EP400: variants seen among roughly 807,000 people sequenced by gnomAD.
The protein encoded by EP400 is E1A-binding protein p400.
Under a neutral mutation model 354.1 loss-of-function variants are expected in EP400, and 105 were observed. The observed-to-expected ratio is 0.30, with a 90% CI of 0.25 to 0.35. EP400 has a LOEUF of 0.35. EP400 is among the 10% of genes least tolerant of loss of function. The probability of loss-of-function intolerance (pLI) is 1.00; values close to 1 mark genes in which losing one functional copy is unlikely to be tolerated. For missense variants in EP400, 3,280 were observed against 4,121.0 expected (o/e 0.80, Z 5.59); for synonymous variants, 1,646 against 1,716.9 (o/e 0.96, Z 1.02).
rs1268340194 is a variant in EP400 at position 132,050,335 on chromosome 12, C to T, written c.7213C>T (p.Arg2405Cys). Residue 2405 changes from arginine to cysteine, a missense_variant, in exon 40 of 53, where the codon CGT becomes TGT. Physicochemically the swap from Arg to Cys is radical, Grantham distance 180. This residue lies in a region of EP400 where 84 missense variants were observed against 133.0 expected (regional missense o/e 0.63). Transcript: ENST00000389561. The surrounding 1 kb of genome is among the most constrained non-coding windows in gnomAD (Gnocchi z 4.8). ...AATTTCATTGCAGAGTAAAAACAAC[C>T]GTCCTCTCCGTACGAGCCAGATCTA... ...PREEGKSKNN[R>C]PLRTSQIYAQ... 4.3e-6 allele frequency: 7 copies of T among 1,613,926 alleles called. No individual in the cohort carries two copies. The highest frequency in any genetic ancestry group is 4.5e-5 in the East Asian group (2 of 44,882).
Position 131,982,463 on chromosome 12 carries a change from T to C in EP400, c.1914T>C (p.Leu638=). 6.2e-7 allele frequency: 1 copy of C among 1,604,926 alleles called. No homozygotes were observed. Among genetic ancestry groups the C allele is most frequent in the Non-Finnish European group, 8.5e-7 (1 of 1,173,254 alleles). The change falls in exon 5 of 53, where the codon CTT becomes CTC. Residue 638 remains leucine (L), a synonymous_variant. Transcript: ENST00000389561. ...PGKVQVQASQ[L]SSLPQMVAST... ...AGGTGCAGGTGCAGGCCTCTCAGCT[T>C]TCCTCCCTGCCACAGGTATGAGAAA... is the stretch of plus-strand genomic sequence containing the variant.
Position 131,980,605 on chromosome 12 carries a change from G to A in EP400, c.1435+812G>A, listed in dbSNP as rs76866423. Among the ~76,000 whole-genome samples, 168 of 152,270 alleles carry A rather than the reference G, an allele frequency of 1.1e-3. 5 individuals carry two copies. The East Asian group carries it at 0.026, about 24-fold the overall frequency. On this transcript the variant is annotated intron_variant, in intron 3 of 52. Coordinates refer to ENST00000389561, the MANE Select transcript of EP400 (RefSeq NM_015409.5). ...GGTTCACCCGGGCTGGAGTGCACTG[G>A]CATCATCATGGCTCACTGCAGCCTC...
chr12:131,971,215 A>G (rs1209583512), intron 2 of EP400, among the ~76,000 whole-genome samples: 1 of 152,152 alleles, frequency 6.6e-6, no homozygotes, highest in Non-Finnish European at 1.5e-5. Flanking sequence ...TAAAAAAAAA[A>G]GATTCCACGT....
In EP400 at chr12:131,986,719, C is replaced by A; in HGVS notation, c.2135C>A (p.Ser712Tyr). 6.2e-7 allele frequency: 1 copy of A among 1,614,204 alleles called. No homozygotes were observed. The highest frequency in any genetic ancestry group is 8.5e-7 in the Non-Finnish European group (1 of 1,180,020). ...TCCCGGACCCCAGGGGTGGTGGCAT[C>A]TGCCCCCACCAAACCACAGAGTCCT... Reference protein sequence around the residue: ...VTSRTPGVVASAPTKPQSPAQ... With the variant: ...VTSRTPGVVAYAPTKPQSPAQ... The change falls in exon 6 of 53, where the codon TCT becomes TAT. Residue 712 changes from serine to tyrosine, a missense_variant. By Grantham distance (144) the Ser-to-Tyr change is moderately radical (BLOSUM62 -2). Coordinates refer to ENST00000389561, the MANE Select transcript of EP400 (RefSeq NM_015409.5).
intron 5 of EP400, 133 bp downstream of exon 5, chr12:131,982,611 C>A (rs1892719937): frequency 6.3e-6 from 7 of 1,105,408 alleles, no homozygotes; most frequent in East Asian, 2.6e-5. Flanking sequence ...CAATTTAGAA[C>A]AATTACTCAA....
intron 2 of EP400, among the ~76,000 whole-genome samples, chr12:131,965,248 T>C (rs1892036986): frequency 6.6e-6 from 1 of 152,248 alleles, no homozygotes. Flanking sequence ...TGGAAATTTA[T>C]TTATTTTTCC....
At chr12:132,047,568 G>A (rs1895148891) in intron 39 of EP400, among the ~76,000 whole-genome samples, 1 of 152,234 alleles carries the variant, frequency 6.6e-6, no homozygotes, top group Admixed American at 6.5e-5. Flanking sequence ...GGGAGTGTAT[G>A]AATAGGGTGT....
At chr12:132,031,392 T>C in intron 29 of EP400, 2 of 519,064 alleles carry the variant, frequency 3.9e-6, no homozygotes. Context: ...TTTTCCTTCT[T>C]GTCACTCATG....
At chr12:131,998,470 T>C (rs1464898754) in intron 12 of EP400, among the ~76,000 whole-genome samples, 1 of 152,110 alleles carries the variant, frequency 6.6e-6, no homozygotes, top group East Asian at 1.9e-4. Context: ...ATTTCATGAT[T>C]GTGTCTCTTT....
chr12:131,986,745 G>A lies in EP400; in HGVS notation c.2161G>A (p.Ala721Thr), dbSNP rs776043842. The change falls in exon 6 of 53, where the codon GCT (alanine) becomes ACT (threonine). Residue 721 changes from alanine to threonine, a missense_variant. By Grantham distance (58) the Ala-to-Thr change is moderately conservative (BLOSUM62 0). This residue lies in a region of EP400 where 800 missense variants were observed against 840.0 expected (regional missense o/e 0.95). Coordinates refer to ENST00000389561, the MANE Select transcript of EP400 (RefSeq NM_015409.5). The stretch of plus-strand genomic sequence containing the variant: ...TGCCCCCACCAAACCACAGAGTCCT[G>A]CTCAGAATGCCACCTCGTCCCAAGA... Reference protein sequence around the residue: ...ASAPTKPQSPAQNATSSQDSS... With the variant: ...ASAPTKPQSPTQNATSSQDSS... 1 of 1,614,232 alleles carries A rather than the reference G, an allele frequency of 6.2e-7. No homozygotes were observed. Among genetic ancestry groups the A allele is most frequent in the East Asian group, 2.2e-5 (1 of 44,880 alleles).
At chr12:132,003,202 A>C (rs1165487601) in intron 12 of EP400, among the ~76,000 whole-genome samples, 1 of 151,442 alleles carries the variant, frequency 6.6e-6, no homozygotes, top group Non-Finnish European at 1.5e-5. Context: ...TAAAAAAAAA[A>C]AAAACAGCCA....
intron 1 of EP400, among the ~76,000 whole-genome samples, chr12:131,955,980 G>T (rs1296395887): frequency 2.6e-5 from 4 of 152,108 alleles, no homozygotes; most frequent in African/African-American, 9.7e-5. Flanking sequence ...ATTCCATCTT[G>T]TAACCATTAT....
chr12:132,005,033 TG>T, intron 12 of EP400, 43 bp from the exon 13 acceptor site: 1 of 1,439,798 alleles, frequency 6.9e-7, no homozygotes, highest in South Asian at 1.2e-5. Context: ...AAATTACAGT[TG>T]TTGTTATAAA....
chr12:132,029,768 CT>C lies in EP400; in HGVS notation c.5450del (p.Leu1817ArgfsTer6). The C allele has an allele frequency of 6.2e-7, 1 of 1,613,572 alleles. No homozygotes were observed. The highest frequency in any genetic ancestry group is 8.5e-7 in the Non-Finnish European group (1 of 1,180,032). On this transcript the variant is annotated frameshift_variant, in exon 28 of 53. Coordinates refer to ENST00000389561, the MANE Select transcript of EP400 (RefSeq NM_015409.5). LOFTEE classifies it high-confidence loss of function. This position sits in a 1 kb window ranked among gnomAD's most constrained non-coding sequence, Gnocchi z 4.7. ...PSLRVPRPPP[L>X]YSHRMRILRQ... Reference sequence around the variant, plus strand: ...CCTACGGGTGCCGCGGCCGCCACCCCTGTACAGCCACAGAATGAGGATCTTG... The same window carrying C: ...CCTACGGGTGCCGCGGCCGCCACCCCGTACAGCCACAGAATGAGGATCTTG...
intron 10 of EP400, 68 bp from the exon 11 acceptor site, chr12:131,992,105 T>C: frequency 6.5e-7 from 1 of 1,549,692 alleles, no homozygotes; most frequent in South Asian, 1.1e-5. Context: ...CCATGGACAC[T>C]GCTGTCTTGG....
chr12:132,007,240 G>T (rs1893614213), intron 15 of EP400, among the ~76,000 whole-genome samples: 1 of 152,218 alleles, frequency 6.6e-6, no homozygotes. Context: ...CAGCCGTGTG[G>T]GGTGGTTTGT....
intron 5 of EP400, among the ~76,000 whole-genome samples, chr12:131,986,220 C>G (rs1235541030): frequency 1.3e-5 from 2 of 152,184 alleles, no homozygotes; most frequent in African/African-American, 2.4e-5. Flanking sequence ...CTCAAGCAGT[C>G]CTCCCACTTC....
At position 131,987,962 on chromosome 12, in the gene EP400, G is replaced by A. The variant is rs1266518188; in HGVS notation, c.2409+72G>A. ...GCTTGAGTTTGCAGTGGTGTAAGTG[G>A]TGGGGAGGTCTCCAGACCCACTTTT... On this transcript the variant is annotated intron_variant, in intron 7 of 52. Transcript: ENST00000389561. 3.8e-6 allele frequency: 5 copies of A among 1,308,086 alleles called. No homozygotes were observed. In the East Asian group the frequency reaches 1.1e-4, roughly 30 times the overall value. The allele number at this position is 1,308,086 out of a possible 1,614,324, so 81.0% of individuals were successfully genotyped here. A position where few individuals can be genotyped will look rare whatever the true frequency, so the allele number is the denominator to read the frequency against.
intron 51 of EP400, among the ~76,000 whole-genome samples, chr12:132,073,044 G>T (rs766516787): frequency 5.3e-5 from 8 of 152,084 alleles, no homozygotes; most frequent in Non-Finnish European, 8.8e-5. Flanking sequence ...TCGCGGGCAG[G>T]TCCGGTGCTG....
Sources: gnomAD v4.1 joint callset for allele counts (sites outside exome capture counted in the v4.1 genomes callset) on GRCh38, gnomAD v4.1.1 for gene constraint, gnomAD v4.1.1 regional missense constraint, Gnocchi (gnomAD v3.1) non-coding constraint, MANE v1.5 for transcripts, NCBI Gene and HGNC (gene_info 2026-07-23, HGNC 2026-07-21) for gene names.